DOK7: variants seen among roughly 807,000 people sequenced by gnomAD.
The protein encoded by DOK7 is protein Dok-7.
DOK7 carries 32 observed loss-of-function variants against 30.7 expected under a neutral mutation model. That is an observed-to-expected ratio of 1.04 (90% CI 0.79 to 1.40). DOK7 has a LOEUF of 1.40. Among genes scored for constraint, DOK7 ranks in the 40% most tolerant of loss-of-function variants. The pLI is 0.00. For synonymous variants in DOK7, 447 were observed against 324.1 expected, an observed-to-expected ratio of 1.38 and a Z score of -4.07; for missense variants, 1,007 against 699.2, an observed-to-expected ratio of 1.44 and a Z score of -4.97.
At position 3,489,250 on chromosome 4, in the gene DOK7, T is replaced by C. The variant is rs190604624; in HGVS notation, c.653-427T>C. Among the ~76,000 whole-genome samples, 456 of 150,982 alleles carry C rather than the reference T, an allele frequency of 3.0e-3. 5 individuals are homozygous for C. The highest frequency in any genetic ancestry group is 0.01 in the African/African-American group (428 of 40,978). On this transcript the variant is annotated intron_variant, in intron 5 of 6. Transcript: ENST00000340083. ...CAAGGTGGGCGGGCATTTCCCCAGG[T>C]GGAGGGGAGCCTGTGAGAAATGGGC...
At chr4:3,500,763 C>G (rs1351442115) in exon 8 of DOK7, 11 of 1,534,974 alleles carry the variant, frequency 7.2e-6, no homozygotes, top group Non-Finnish European at 9.6e-6. Flanking sequence ...GGGGGTGCGG[C>G]ACGCACGGGC....
At chr4:3,468,753 T>C (rs1315820744) in intron 2 of DOK7, among the ~76,000 whole-genome samples, 4 of 108,824 alleles carry the variant, frequency 3.7e-5, no homozygotes, top group Non-Finnish European at 7.3e-5. Flanking sequence ...TATGTGTCTG[T>C]GTGCGTGTGT....
chr4:3,497,504 G>T (rs1300518369), downstream of DOK7, among the ~76,000 whole-genome samples: 1 of 152,160 alleles, frequency 6.6e-6, no homozygotes, highest in African/African-American at 2.4e-5. Flanking sequence ...GCTGAAGGTT[G>T]GGCAGGGCTG....
At chr4:3,491,415 T>TGCTCACCCCCGC (rs879561937) in intron 6 of DOK7, among the ~76,000 whole-genome samples, 3 of 144,132 alleles carry the variant, frequency 2.1e-5, no homozygotes, top group Admixed American at 1.4e-4. Context: ...AGCTTCCTTC[T>TGCTCACCCCCGC]TTCCTTCTTC....
chr4:3,493,463 CCA>C lies in DOK7; in HGVS notation c.1478_1479del (p.Pro493ArgfsTer25). 1.2e-6 allele frequency: 2 copies of C among 1,610,702 alleles called. No homozygotes were observed. The highest frequency in any genetic ancestry group is 2.2e-5 in the East Asian group (1 of 44,800). On this transcript the variant is annotated frameshift_variant, in exon 7 of 7. Transcript: ENST00000340083. LOFTEE classifies it high-confidence loss of function. ...ACCCCCGGCTTTCTTTTCGGCATGT[CCA>C]GTCTGTGGAGGACTCAAGGTAAACC... is the stretch of plus-strand genomic sequence containing the variant. ...GPPPAFFSAC[P>X]VCGGLKVNPP...
chr4:3,494,036 G>A lies in DOK7; in HGVS notation c.*535G>A. On this transcript the variant is annotated 3_prime_UTR_variant, in exon 7 of 7. Coordinates refer to ENST00000340083, the MANE Select transcript of DOK7 (RefSeq NM_173660.5). ...GCGCTGGGCCTCATCCCCATCTATG[G>A]GAGGAAACTGAAGCTCAGGAGGCTG... 1.0e-6 allele frequency: 1 copy of A among 988,464 alleles called. No homozygotes were observed. Among genetic ancestry groups the A allele is most frequent in the Non-Finnish European group, 1.2e-6 (1 of 832,188 alleles). The allele number at this position is 988,464 out of a possible 1,614,324, so 61.2% of individuals were successfully genotyped here.
In DOK7 at chr4:3,476,474, C is replaced by T; in HGVS notation, c.464C>T (p.Ser155Phe). The T allele has an allele frequency of 1.2e-6, 2 of 1,613,872 alleles. No individual in the cohort carries two copies. The highest frequency in any genetic ancestry group is 1.7e-6 in the Non-Finnish European group (2 of 1,180,032). ...GCTGTCACGGGGCAGTGGAAGCTGT[C>T]TGACCTCCGGCGCTACGGGGCCGTG... Reference protein sequence around the residue: ...PPAVTGQWKLSDLRRYGAVPS... With the variant: ...PPAVTGQWKLFDLRRYGAVPS... Residue 155 changes from serine to phenylalanine, a missense_variant, in exon 4 of 7, where the codon TCT becomes TTT. Transcript: ENST00000340083.
In DOK7 at chr4:3,469,104, G is replaced by A. The variant is rs556525871; in HGVS notation, c.101-4302G>A. Among the ~76,000 whole-genome samples, 157 of 149,992 alleles carry A rather than the reference G, an allele frequency of 1.0e-3. 1 individual carries two copies. Among genetic ancestry groups the A allele is most frequent in the Non-Finnish European group, 6.1e-4 (41 of 67,644 alleles). On this transcript the variant is annotated intron_variant, in intron 2 of 6. Transcript: ENST00000340083. ...TGTACATGTGTGTGCCTGTGTGTGC[G>A]TGCATGTATGTGTGCACACATTGTG...
chr4:3,468,855 GTA>G (rs1016186079), intron 2 of DOK7, among the ~76,000 whole-genome samples: 4 of 146,980 alleles, frequency 2.7e-5, no homozygotes, highest in African/African-American at 7.7e-5. Flanking sequence ...GTGTGTGCGC[GTA>G]TGAGTGTGCA....
chr4:3,466,559 C>T (rs1275646510), intron 2 of DOK7, among the ~76,000 whole-genome samples: 6 of 152,214 alleles, frequency 3.9e-5, no homozygotes, highest in African/African-American at 1.2e-4. Context: ...GGGCTGAAGA[C>T]CGGGCGTGGG....
intron 4 of DOK7, among the ~76,000 whole-genome samples, chr4:3,479,934 C>T (rs1345435359): frequency 1.3e-5 from 2 of 152,252 alleles, no homozygotes; most frequent in African/African-American, 4.8e-5. Context: ...AGGCGACGGT[C>T]TGTGGACAGC....
At position 3,491,849 on chromosome 4, in the gene DOK7, C is replaced by T. The variant is rs142664966; in HGVS notation, c.773-910C>T. Among the ~76,000 whole-genome samples, 919 of 152,298 alleles carry T rather than the reference C, an allele frequency of 6.0e-3. 16 individuals carry two copies. The highest frequency in any genetic ancestry group is 0.019 in the African/African-American group (778 of 41,558). ...AAGGGGCTGGCAGAGCAGGAGGGGC[C>T]GCTGTGCTCCCCGAAGGGTGGCTGC... On this transcript the variant is annotated intron_variant, in intron 6 of 6. Coordinates refer to ENST00000340083, the MANE Select transcript of DOK7 (RefSeq NM_173660.5).
rs778823411 is a variant in DOK7, at chr4:3,489,805, G to T, written c.772+9G>T. On this transcript the variant is annotated intron_variant, in intron 6 of 6. Coordinates refer to ENST00000340083, the MANE Select transcript of DOK7 (RefSeq NM_173660.5). ...CAGGCCGGGCAGTGGAGGTAGGGCCGGGGGCTGACCTGGGCTGTGGGACCT... is the reference window on the plus strand; with the variant it reads ...CAGGCCGGGCAGTGGAGGTAGGGCCTGGGGCTGACCTGGGCTGTGGGACCT... The T allele has an allele frequency of 6.4e-7, 1 of 1,569,006 alleles. No homozygotes were observed. Among genetic ancestry groups the T allele is most frequent in the Non-Finnish European group, 8.6e-7 (1 of 1,156,636 alleles).
chr4:3,491,612 C>T (rs1340557692), intron 6 of DOK7, among the ~76,000 whole-genome samples: 2 of 151,594 alleles, frequency 1.3e-5, no homozygotes, highest in Non-Finnish European at 2.9e-5. Context: ...GAGGTGCTGA[C>T]GGGAAAGGTG....
At chr4:3,485,075 T>G (rs1419571526) in intron 4 of DOK7, among the ~76,000 whole-genome samples, 2 of 152,052 alleles carry the variant, frequency 1.3e-5, no homozygotes, top group Non-Finnish European at 2.9e-5. Context: ...GCTGGGACCT[T>G]GGGGCAGAGG....
At chr4:3,500,842 G>A (rs1235661512) in exon 8 of DOK7, 2 of 1,522,870 alleles carry the variant, frequency 1.3e-6, no homozygotes, top group Non-Finnish European at 1.8e-6. Context: ...AGCGCCAGGA[G>A]CTGACCGCAA....
rs751015259 is a variant in DOK7 at position 3,489,729 on chromosome 4, C to G, written c.705C>G (p.Ala235=). 2 of 1,566,620 alleles carry G rather than the reference C, an allele frequency of 1.3e-6. No individual in the cohort carries two copies. Among genetic ancestry groups the G allele is most frequent in the Middle Eastern group, 1.7e-4 (1 of 6,002 alleles). ...TGGAGGAGCGTGTGGCCCAGGAAGC[C>G]CTGGAAACCCTACAGCTGGAGAAGC... is the stretch of plus-strand genomic sequence containing the variant. The part of the protein sequence containing the change: ...STVEERVAQE[A]LETLQLEKRL... The change falls in exon 6 of 7, where the codon GCC becomes GCG. Residue 235 remains alanine, a synonymous_variant. Transcript: ENST00000340083.
At chr4:3,477,690 C>T (rs376451389) in intron 4 of DOK7, among the ~76,000 whole-genome samples, 8 of 152,284 alleles carry the variant, frequency 5.3e-5, no homozygotes, top group East Asian at 3.9e-4. Flanking sequence ...GAGGCACGTG[C>T]GGCAGAGCTG....
intron 3 of DOK7, 82 bp downstream of exon 3, chr4:3,473,718 G>T: frequency 7.6e-7 from 1 of 1,320,592 alleles, no homozygotes; most frequent in South Asian, 1.4e-5. Context: ...CTGCAGAGGT[G>T]GGAGCGGCTC....
Sources: gnomAD v4.1 joint callset for allele counts (sites outside exome capture counted in the v4.1 genomes callset) on GRCh38, gnomAD v4.1.1 for gene constraint, MANE v1.5 for transcripts, NCBI Gene and HGNC (gene_info 2026-07-23, HGNC 2026-07-21) for gene names.